Variants in PTCHD4 observed in about 807,000 individuals in gnomAD.
PTCHD4 encodes the protein patched domain-containing protein 4.
PTCHD4 carries 33 observed loss-of-function variants against 58.1 expected under a neutral mutation model. The ratio of observed to expected loss-of-function variants is 0.57; its 90% CI spans 0.43 to 0.76. PTCHD4 has a LOEUF of 0.76. PTCHD4 is among the 30% of genes least tolerant of loss of function. The pLI is 0.00. For missense variants in PTCHD4, 1,058 were observed against 1,027.1 expected (o/e 1.03, Z -0.41); for synonymous variants, 478 against 409.6 (o/e 1.17, Z -2.02).
At chr6:48,004,473 G>T (rs1295828870) in intron 4 of PTCHD4, among the ~76,000 whole-genome samples, 2 of 152,118 alleles carry the variant, frequency 1.3e-5, no homozygotes, top group African/African-American at 4.8e-5. Flanking sequence ...TCTTCTTCCA[G>T]AAAGAGGAAA....
chr6:47,937,440 T>C (rs1294286763), intron 4 of PTCHD4, among the ~76,000 whole-genome samples: 1 of 152,178 alleles, frequency 6.6e-6, no homozygotes, highest in East Asian at 1.9e-4. Flanking sequence ...GATTATTCCA[T>C]ATTTTTGGTT....
chr6:47,905,902 T>G (rs1413709022), intron 4 of PTCHD4, among the ~76,000 whole-genome samples: 1 of 152,234 alleles, frequency 6.6e-6, no homozygotes, highest in Non-Finnish European at 1.5e-5. Flanking sequence ...TCAGACAGCT[T>G]GCCAGTACAA....
chr6:47,913,851 G>C (rs543609441), intron 4 of PTCHD4, among the ~76,000 whole-genome samples: 2 of 152,228 alleles, frequency 1.3e-5, no homozygotes, highest in African/African-American at 4.8e-5. Context: ...ATTTTTCTGT[G>C]ATTGAGTTGG....
rs1336963900 is a variant in PTCHD4, at chr6:47,862,426, A to T, written c.*15877T>A. ...CTGAAGTCTTTTATTCAAGATCAAA[A>T]TTTTTCAATTATTCTAGAATGCTAT... is the stretch of plus-strand genomic sequence containing the variant. On this transcript the variant is annotated 3_prime_UTR_variant, in exon 5 of 5. Coordinates refer to ENST00000339488, the MANE Select transcript of PTCHD4 (RefSeq NM_001384253.1). Among the ~76,000 whole-genome samples, 3 of 151,652 alleles carry T rather than the reference A, an allele frequency of 2.0e-5. No individual in the cohort carries two copies. The highest frequency in any genetic ancestry group is 4.4e-5 in the Non-Finnish European group (3 of 67,806).
At chr6:48,047,693 G>T (rs562245006) in intron 3 of PTCHD4, among the ~76,000 whole-genome samples, 1 of 151,720 alleles carries the variant, frequency 6.6e-6, no homozygotes, top group African/African-American at 2.4e-5. Flanking sequence ...TCACAAATGA[G>T]ATTAGTGTTT....
intron 1 of PTCHD4, among the ~76,000 whole-genome samples, chr6:48,080,952 G>A (rs772283590): frequency 6.6e-6 from 1 of 152,048 alleles, no homozygotes; most frequent in Non-Finnish European, 1.5e-5. Flanking sequence ...TCTGTTTTTG[G>A]TGATCTTCAG....
chr6:47,949,841 G>A (rs966228105), intron 4 of PTCHD4, among the ~76,000 whole-genome samples: 2 of 151,308 alleles, frequency 1.3e-5, no homozygotes, highest in South Asian at 4.2e-4. Flanking sequence ...CTTTAGAGGT[G>A]CTAACTAATG....
Position 47,878,224 on chromosome 6 carries a change from C to A in PTCHD4, c.*79G>T, listed in dbSNP as rs1763898798. ...CCTTGTTACCCCTGGCCAGCCCAAGCAGCTGAGGTCTGAGCTTTACTTGCC... is the reference window on the plus strand; with the variant it reads ...CCTTGTTACCCCTGGCCAGCCCAAGAAGCTGAGGTCTGAGCTTTACTTGCC... On this transcript the variant is annotated 3_prime_UTR_variant, in exon 5 of 5. Coordinates refer to ENST00000339488, the MANE Select transcript of PTCHD4 (RefSeq NM_001384253.1). The A allele has an allele frequency of 1.9e-5, 26 of 1,343,904 alleles. No individual in the cohort carries two copies. The highest frequency in any genetic ancestry group is 2.7e-5 in the Non-Finnish European group (26 of 980,604). The allele number at this position is 1,343,904 out of a possible 1,614,324, so 83.2% of individuals were successfully genotyped here.
At chr6:47,951,936 T>C (rs1202463308) in intron 4 of PTCHD4, among the ~76,000 whole-genome samples, 1 of 151,704 alleles carries the variant, frequency 6.6e-6, no homozygotes, top group Non-Finnish European at 1.5e-5. Context: ...AGTTCTAGAG[T>C]AGAAAATACA....
At position 48,110,511 on chromosome 6, in the gene PTCHD4, A is replaced by T. The variant is rs531451056; in HGVS notation, c.-970+538T>A. On this transcript the variant is annotated intron_variant, in intron 1 of 4. Coordinates refer to ENST00000339488, the MANE Select transcript of PTCHD4 (RefSeq NM_001384253.1). ...GAAGGAAATATGTAGGTCAAAAATT[A>T]CAGAGTTGCAGTTATATAGGATGAA... 5.9e-5 allele frequency among the ~76,000 whole-genome samples: 9 copies of T among 152,046 alleles called. No homozygotes were observed. In the South Asian group the frequency reaches 1.7e-3, roughly 28 times the overall value.
chr6:48,077,094 CTT>C (rs1582116583), intron 1 of PTCHD4, among the ~76,000 whole-genome samples: 1 of 152,206 alleles, frequency 6.6e-6, no homozygotes, highest in East Asian at 1.9e-4. Context: ...TGAAAGGACT[CTT>C]TTTCTAAGTG....
At chr6:48,039,496 C>A (rs1362107887) in intron 3 of PTCHD4, among the ~76,000 whole-genome samples, 1 of 152,050 alleles carries the variant, frequency 6.6e-6, no homozygotes, top group Non-Finnish European at 1.5e-5. Context: ...AGATACTGAG[C>A]TACTGGCAGT....
chr6:47,906,871 G>A (rs564978444), intron 4 of PTCHD4, among the ~76,000 whole-genome samples: 1 of 152,212 alleles, frequency 6.6e-6, no homozygotes, highest in African/African-American at 2.4e-5. Flanking sequence ...CACTTATAGA[G>A]TTATTTTGAA....
intron 4 of PTCHD4, among the ~76,000 whole-genome samples, chr6:47,993,677 G>T (rs1768365371): frequency 6.6e-6 from 1 of 152,156 alleles, no homozygotes; most frequent in African/African-American, 2.4e-5. Context: ...CTTTGAACAT[G>T]TTTGTTTGGC....
intron 4 of PTCHD4, among the ~76,000 whole-genome samples, chr6:48,005,125 G>A (rs1235312779): frequency 6.7e-6 from 1 of 149,282 alleles, no homozygotes; most frequent in Non-Finnish European, 1.5e-5. Flanking sequence ...CAGTATATAT[G>A]CCTCTGAAAT....
At chr6:48,045,771 T>C (rs1439259177) in intron 3 of PTCHD4, among the ~76,000 whole-genome samples, 1 of 151,662 alleles carries the variant, frequency 6.6e-6, no homozygotes, top group Admixed American at 6.6e-5. Flanking sequence ...CCAGAGATTT[T>C]TTTTTTCTTT....
intron 3 of PTCHD4, among the ~76,000 whole-genome samples, chr6:48,015,774 T>C (rs1226395885): frequency 6.6e-6 from 1 of 152,036 alleles, no homozygotes; most frequent in Admixed American, 6.6e-5. Context: ...TGTGTGCTTG[T>C]TGAAAGCTGA....
rs567565261 is a variant in PTCHD4 at position 47,899,889 on chromosome 6, T to C, written c.899-19953A>G. ...TCATATATATAGAATCATGCAATTATGTACACTTTCATGACTTCTTTCACT... is the reference window on the plus strand; with the variant it reads ...TCATATATATAGAATCATGCAATTACGTACACTTTCATGACTTCTTTCACT... On this transcript the variant is annotated intron_variant, in intron 4 of 4. Transcript: ENST00000339488. The C allele has an allele frequency of 2.0e-5, 3 of 152,362 alleles. 1 individual carries two copies. The South Asian group carries it at 6.2e-4, about 32-fold the overall frequency. 9.4% of individuals were successfully genotyped at this position (152,362 alleles called of 1,614,324 possible). A position where few individuals can be genotyped will look rare whatever the true frequency, so the allele number is the denominator to read the frequency against.
At chr6:48,095,758 T>C (rs1024122581) in intron 1 of PTCHD4, among the ~76,000 whole-genome samples, 21 of 144,394 alleles carry the variant, frequency 1.5e-4, no homozygotes, top group Non-Finnish European at 1.2e-4. Flanking sequence ...CAAATATAAC[T>C]GTTGTGTTTC....
Sources: allele counts gnomAD v4.1 joint callset (sites outside exome capture counted in the v4.1 genomes callset), GRCh38; gene constraint gnomAD v4.1.1; transcripts MANE v1.5; gene names NCBI Gene and HGNC (gene_info 2026-07-23, HGNC 2026-07-21).